PEAK1: variants seen among roughly 807,000 people sequenced by gnomAD.
PEAK1 encodes the protein pseudopodium enriched atypical kinase 1, also known as inactive tyrosine-protein kinase PEAK1.
PEAK1 carries 54 observed loss-of-function variants against 124.7 expected under a neutral mutation model. The observed-to-expected ratio is 0.43, with a 90% CI of 0.35 to 0.54. PEAK1 has a LOEUF of 0.54. PEAK1 is among the 20% of genes least tolerant of loss of function. The probability of loss-of-function intolerance (pLI) is 0.01; values close to 1 mark genes in which losing one functional copy is unlikely to be tolerated. For missense variants in PEAK1, 2,046 were observed against 2,134.5 expected, an observed-to-expected ratio of 0.96 and a Z score of 0.82; for synonymous variants, 719 against 760.0, an observed-to-expected ratio of 0.95 and a Z score of 0.89.
At chr15:77,144,280 C>T (rs2054014887) in intron 8 of PEAK1, among the ~76,000 whole-genome samples, 1 of 152,152 alleles carries the variant, frequency 6.6e-6, no homozygotes, top group South Asian at 2.1e-4. Flanking sequence ...TTAATATGTT[C>T]CATATTTTTA....
chr15:77,210,294 A>G (rs912088317), intron 6 of PEAK1, among the ~76,000 whole-genome samples: 1 of 152,204 alleles, frequency 6.6e-6, no homozygotes. Flanking sequence ...ATATTGATGG[A>G]CAAGTCATTA....
At chr15:77,237,467 G>T (rs979103843) in intron 6 of PEAK1, among the ~76,000 whole-genome samples, 4 of 147,690 alleles carry the variant, frequency 2.7e-5, no homozygotes, top group Non-Finnish European at 3.0e-5. Context: ...TACCTTCTGT[G>T]GTCTGTGAAC....
chr15:77,379,106 C>T (rs1307080532), intron 1 of PEAK1, among the ~76,000 whole-genome samples: 1 of 152,130 alleles, frequency 6.6e-6, no homozygotes. Flanking sequence ...AATGTGTTCA[C>T]TTAGGTAACA....
chr15:77,140,045 A>G (rs2053649211), intron 8 of PEAK1, among the ~76,000 whole-genome samples: 1 of 152,166 alleles, frequency 6.6e-6, no homozygotes, highest in Admixed American at 6.5e-5. Flanking sequence ...TGAAAGACAG[A>G]AAGTAGTAAA....
In PEAK1 at chr15:77,178,996, C is replaced by T. The variant is rs143469525; in HGVS notation, c.2931G>A (p.Ala977=). Residue 977 remains alanine, a synonymous_variant, in exon 7 of 10, where the codon GCG becomes GCA. Coordinates refer to ENST00000682557, the MANE Select transcript of PEAK1 (RefSeq NM_001385026.1). The part of the protein sequence containing the change: ...PVQRHHWFTE[A]KGESSEKPAI... ...CTGGTTTCTCACTGGACTCTCCTTTCGCCTCTGTGAACCAGTGATGGCGCT... is the reference window on the plus strand; with the variant it reads ...CTGGTTTCTCACTGGACTCTCCTTTTGCCTCTGTGAACCAGTGATGGCGCT... 37 of 1,614,074 alleles carry T rather than the reference C, an allele frequency of 2.3e-5. No homozygotes were observed. In the African/African-American group the frequency reaches 3.2e-4, roughly 14 times the overall value.
At chr15:77,220,709 G>GAT (rs1299694003) in intron 6 of PEAK1, among the ~76,000 whole-genome samples, 1 of 151,972 alleles carries the variant, frequency 6.6e-6, no homozygotes, top group African/African-American at 2.4e-5. Context: ...GGAAGGCAAT[G>GAT]ATATGTTCAA....
At chr15:77,365,609 G>A (rs963011057) in intron 1 of PEAK1, among the ~76,000 whole-genome samples, 8 of 151,964 alleles carry the variant, frequency 5.3e-5, no homozygotes, top group African/African-American at 1.9e-4. Context: ...ACATGGTGGT[G>A]TGTGCCTGTA....
Position 77,181,656 on chromosome 15 carries a change from T to C in PEAK1, c.271A>G (p.Ile91Val). The stretch of plus-strand genomic sequence containing the variant: ...GGTTTGTTCTCACAGTGTTCTTGGA[T>C]GCTAAGCTCACCACATATACTTTGC... ...DGQSICGELS[I>V]QEHCENKPVI... The change falls in exon 7 of 10, where the codon ATC becomes GTC. Residue 91 changes from isoleucine to valine, a missense_variant. Ile to Val is a conservative substitution (Grantham distance 29, BLOSUM62 3). Transcript: ENST00000682557. 4 of 1,614,162 alleles carry C rather than the reference T, an allele frequency of 2.5e-6. No individual in the cohort carries two copies. The highest frequency in any genetic ancestry group is 3.4e-6 in the Non-Finnish European group (4 of 1,180,020).
chr15:77,405,578 G>A (rs1284610644), intron 1 of PEAK1, among the ~76,000 whole-genome samples: 2 of 152,142 alleles, frequency 1.3e-5, no homozygotes, highest in African/African-American at 4.8e-5. Flanking sequence ...GGAAATCGTT[G>A]CATATAGCAG....
intron 2 of PEAK1, chr15:77,348,170 A>G (rs2066985325): frequency 2.0e-6 from 2 of 984,216 alleles, no homozygotes. Context: ...GTCTTCACTT[A>G]AGCCACATGC....
chr15:77,227,476 C>T (rs2059730179), intron 6 of PEAK1, among the ~76,000 whole-genome samples: 2 of 152,106 alleles, frequency 1.3e-5, no homozygotes, highest in African/African-American at 4.8e-5. Flanking sequence ...ATTAATATAG[C>T]ACATACTTAG....
intron 2 of PEAK1, chr15:77,346,133 T>C (rs1249133366): frequency 4.1e-6 from 4 of 985,288 alleles, no homozygotes; most frequent in South Asian, 4.7e-5. Flanking sequence ...CTATATTTTA[T>C]AGAATTGCCA....
chr15:77,126,830 G>A (rs1020826234), intron 9 of PEAK1, among the ~76,000 whole-genome samples: 1 of 152,136 alleles, frequency 6.6e-6, no homozygotes, highest in African/African-American at 2.4e-5. Flanking sequence ...AAATAATAAA[G>A]CTAATCATGT....
intron 5 of PEAK1, among the ~76,000 whole-genome samples, chr15:77,271,000 A>G (rs2062001701): frequency 6.6e-6 from 1 of 152,186 alleles, no homozygotes; most frequent in African/African-American, 2.4e-5. Flanking sequence ...GGCAACCTAC[A>G]GAATGGGAGA....
intron 1 of PEAK1, among the ~76,000 whole-genome samples, chr15:77,367,656 T>G (rs1482011962): frequency 6.6e-6 from 1 of 152,238 alleles, no homozygotes; most frequent in African/African-American, 2.4e-5. Context: ...AGTGCTTTGC[T>G]TTGCATAAAT....
At chr15:77,395,637 C>A (rs571167307) in intron 1 of PEAK1, among the ~76,000 whole-genome samples, 93 of 151,418 alleles carry the variant, frequency 6.1e-4, no homozygotes, top group Admixed American at 2.0e-3. Flanking sequence ...TTACAGGCCA[C>A]GAGACAAGAG....
At chr15:77,418,081 CT>C (rs2073035282) in intron 1 of PEAK1, 1 of 984,098 alleles carries the variant, frequency 1.0e-6, no homozygotes, top group Admixed American at 6.1e-5. Context: ...TCAGGGTAGA[CT>C]CTTAAAAATG....
chr15:77,278,081 T>C (rs369909254), intron 5 of PEAK1, among the ~76,000 whole-genome samples: 4 of 152,106 alleles, frequency 2.6e-5, no homozygotes, highest in African/African-American at 9.7e-5. Context: ...ATGTTGATAA[T>C]AGGGAATGCT....
intron 1 of PEAK1, among the ~76,000 whole-genome samples, chr15:77,414,693 T>C (rs781543819): frequency 7.9e-5 from 12 of 152,224 alleles, no homozygotes; most frequent in African/African-American, 2.9e-4. Flanking sequence ...ATAAGGTAAA[T>C]AACAAAATTG....
Sources: gnomAD v4.1 joint callset for allele counts (sites outside exome capture counted in the v4.1 genomes callset) on GRCh38, gnomAD v4.1.1 for gene constraint, MANE v1.5 for transcripts, NCBI Gene and HGNC (gene_info 2026-07-23, HGNC 2026-07-21) for gene names.